Variants in MPRIP observed in about 807,000 individuals in gnomAD.
MPRIP encodes myosin phosphatase Rho interacting protein, also known as myosin phosphatase Rho-interacting protein.
In MPRIP, 59 loss-of-function variants were observed where a neutral mutation model predicts 234.9. The observed-to-expected ratio is 0.25, with a 90% confidence interval of 0.20 to 0.31. The LOEUF is 0.31. MPRIP is among the 10% of genes least tolerant of loss of function. The pLI is 1.00. For missense variants in MPRIP, 2,436 were observed against 3,071.0 expected, an observed-to-expected ratio of 0.79 and a Z score of 4.89; for synonymous variants, 1,144 against 1,263.9, an observed-to-expected ratio of 0.91 and a Z score of 2.01.
At chr17:17,157,444 C>T (rs1045740589) in intron 13 of MPRIP, among the ~76,000 whole-genome samples, 3 of 152,202 alleles carry the variant, frequency 2.0e-5, no homozygotes, top group Admixed American at 6.5e-5. Flanking sequence ...GGTGTGAACT[C>T]GTGGCCACCT....
intron 1 of MPRIP, among the ~76,000 whole-genome samples, chr17:17,043,309 T>C (rs2143787603): frequency 2.0e-5 from 3 of 152,322 alleles, no homozygotes; most frequent in Middle Eastern, 6.8e-3. Flanking sequence ...GGCTTGGGAC[T>C]GGACTTGGAT....
intron 3 of MPRIP, among the ~76,000 whole-genome samples, chr17:17,113,032 G>C (rs2090204820): frequency 6.6e-6 from 1 of 152,206 alleles, no homozygotes; most frequent in Non-Finnish European, 1.5e-5. Context: ...CATGAGCTTT[G>C]GGAGCTGTCC....
At chr17:17,056,152 G>T (rs187164704) in intron 1 of MPRIP, among the ~76,000 whole-genome samples, 24 of 152,338 alleles carry the variant, frequency 1.6e-4, no homozygotes, top group Non-Finnish European at 3.1e-4. Flanking sequence ...GTGCGGGGAA[G>T]GGTGGGGCTG....
At chr17:17,095,050 G>T (rs1390316012) in intron 3 of MPRIP, among the ~76,000 whole-genome samples, 1 of 152,090 alleles carries the variant, frequency 6.6e-6, no homozygotes, top group Non-Finnish European at 1.5e-5. Flanking sequence ...CATTAACCTT[G>T]CCTTCTAACC....
chr17:17,043,064 G>A, intron 1 of MPRIP, 93 bp downstream of exon 1: 1 of 1,284,502 alleles, frequency 7.8e-7, no homozygotes, highest in Non-Finnish European at 1.1e-6. Context: ...AAATAAAAAT[G>A]GAGCAGGGAA....
At position 17,164,847 on chromosome 17, in the gene MPRIP, C is replaced by T. The variant is rs1212226293; in HGVS notation, c.3256C>T (p.Leu1086=). The change falls in exon 16 of 24, where the codon CTG becomes TTG. Residue 1086 remains leucine, a synonymous_variant. Transcript: ENST00000651222. ...SEQVHQLEEQ[L]EAREASVRRL... ...GCAGGTGCACCAGCTGGAGGAGCAG[C>T]TGGAGGCACGAGAGGCCAGCGTGCG... The T allele has an allele frequency of 9.2e-6, 12 of 1,303,992 alleles. No homozygotes were observed. The highest frequency in any genetic ancestry group is 1.2e-5 in the Non-Finnish European group (12 of 988,932). The allele number at this position is 1,303,992 out of a possible 1,614,324, so 80.8% of individuals were successfully genotyped here.
chr17:17,059,744 A>C (rs956989574), intron 1 of MPRIP, among the ~76,000 whole-genome samples: 3 of 152,208 alleles, frequency 2.0e-5, no homozygotes, highest in Admixed American at 1.3e-4. Context: ...AGGCTGGTAG[A>C]CATCAGGGGC....
chr17:17,184,762 G>A (rs374443408), intron 23 of MPRIP, 61 bp from the exon 24 acceptor site: 19 of 1,354,076 alleles, frequency 1.4e-5, no homozygotes, highest in South Asian at 2.3e-5. Context: ...GGTCCGGTCC[G>A]GTCCAGTGCA....
At chr17:17,064,108 G>A (rs2088947664) in intron 1 of MPRIP, among the ~76,000 whole-genome samples, 1 of 152,316 alleles carries the variant, frequency 6.6e-6, no homozygotes, top group Middle Eastern at 3.4e-3. Flanking sequence ...GCAGGCAGGC[G>A]TCACTGAAGA....
rs1216542420 is a variant in MPRIP, at chr17:17,165,276, G to C, written c.3685G>C (p.Glu1229Gln). The change falls in exon 16 of 24, where the codon GAG (glutamate) becomes CAG (glutamine). Residue 1229 changes from glutamate (E) to glutamine (Q), a missense_variant. Glu to Gln is a conservative substitution (Grantham distance 29). Transcript: ENST00000651222. ...FASESPKDME[E>Q]PRSTPEETER... ...AAGTGAATCTCCAAAGGACATGGAA[G>C]AGCCACGGAGTACCCCTGAAGAGAC... is the stretch of plus-strand genomic sequence containing the variant. 5.4e-6 allele frequency: 7 copies of C among 1,304,072 alleles called. No homozygotes were observed. In the South Asian group the frequency reaches 7.4e-5, roughly 14 times the overall value. The allele number at this position is 1,304,072 out of a possible 1,614,324, so 80.8% of individuals were successfully genotyped here. A position where few individuals can be genotyped will look rare whatever the true frequency, so the allele number is the denominator to read the frequency against.
chr17:17,080,934 CAG>C (rs1173604369), intron 3 of MPRIP, among the ~76,000 whole-genome samples: 1 of 151,540 alleles, frequency 6.6e-6, no homozygotes, highest in Non-Finnish European at 1.5e-5. Flanking sequence ...CAGGCAACCA[CAG>C]GGCCTGCAGA....
In MPRIP at chr17:17,131,721, G is replaced by A; in HGVS notation, c.504+20G>A. The A allele has an allele frequency of 2.5e-6, 4 of 1,610,958 alleles. No individual in the cohort carries two copies. The highest frequency in any genetic ancestry group is 3.4e-6 in the Non-Finnish European group (4 of 1,177,104). ...CCACAGGTAGGCAGTGGGTTTGCCA[G>A]ATGGCATCCCCTCAGTGGAGCCAGG... is the stretch of plus-strand genomic sequence containing the variant. On this transcript the variant is annotated intron_variant, in intron 5 of 23. Coordinates refer to ENST00000651222, the MANE Select transcript of MPRIP (RefSeq NM_001364716.4).
At chr17:17,170,419 A>G (rs574919159) in intron 16 of MPRIP, among the ~76,000 whole-genome samples, 2 of 152,262 alleles carry the variant, frequency 1.3e-5, no homozygotes, top group Admixed American at 6.5e-5. Flanking sequence ...TGGGACGCCT[A>G]GTTAATAGTG....
intron 3 of MPRIP, among the ~76,000 whole-genome samples, chr17:17,087,395 T>C (rs2089615490): frequency 6.6e-6 from 1 of 152,216 alleles, no homozygotes; most frequent in Non-Finnish European, 1.5e-5. Flanking sequence ...TTAGATGTTC[T>C]GTACCTCCAG....
chr17:17,090,678 A>G (rs993839198), intron 3 of MPRIP, among the ~76,000 whole-genome samples: 1 of 152,214 alleles, frequency 6.6e-6, no homozygotes, highest in African/African-American at 2.4e-5. Context: ...ATCACACACA[A>G]ACCACAGTGC....
intron 3 of MPRIP, among the ~76,000 whole-genome samples, chr17:17,095,763 C>T (rs1483712774): frequency 6.6e-6 from 1 of 152,150 alleles, no homozygotes; most frequent in Non-Finnish European, 1.5e-5. Flanking sequence ...CTGATCAGTT[C>T]TCCTGCTCTC....
intron 17 of MPRIP, among the ~76,000 whole-genome samples, chr17:17,172,180 T>A (rs571941983): frequency 2.0e-5 from 3 of 152,286 alleles, no homozygotes; most frequent in African/African-American, 7.2e-5. Context: ...CCAGTGACTT[T>A]CCCCCTGACA....
chr17:17,087,082 C>G (rs999441456), intron 3 of MPRIP, among the ~76,000 whole-genome samples: 14 of 152,202 alleles, frequency 9.2e-5, no homozygotes, highest in Admixed American at 3.3e-4. Flanking sequence ...ACATTTCCCA[C>G]ACTGAAAGAA....
intron 15 of MPRIP, 37 bp from the exon 16 acceptor site, chr17:17,164,072 G>A (rs1458715035): frequency 2.3e-6 from 3 of 1,288,920 alleles, no homozygotes; most frequent in East Asian, 5.6e-5. Flanking sequence ...TGGGAGGCCC[G>A]AGTGTTACTA....
Sources: gnomAD v4.1 joint callset for allele counts (sites outside exome capture counted in the v4.1 genomes callset) on GRCh38, gnomAD v4.1.1 for gene constraint, MANE v1.5 for transcripts, NCBI Gene and HGNC (gene_info 2026-07-23, HGNC 2026-07-21) for gene names.